The following ANKRD11 variants were observed in gnomAD, a reference collection of about 807,000 sequenced individuals.
ANKRD11 encodes ankyrin repeat domain 11.
ANKRD11 carries 17 observed loss-of-function variants against 195.7 expected under a neutral mutation model. That is an observed-to-expected ratio of 0.09 (90% CI 0.06 to 0.13). The LOEUF (loss-of-function observed/expected upper bound fraction) is 0.13, where lower values mean the gene tolerates loss of function less well. ANKRD11 is among the 10% of genes least tolerant of loss of function. ANKRD11 has a pLI of 1.00. For synonymous variants in ANKRD11, 1,953 were observed against 1,528.1 expected, an observed-to-expected ratio of 1.28 and a Z score of -6.49; for missense variants, 3,735 against 3,566.1, an observed-to-expected ratio of 1.05 and a Z score of -1.21.
At chr16:89,475,500 G>A (rs184591265) in intron 1 of ANKRD11, among the ~76,000 whole-genome samples, 3 of 152,168 alleles carry the variant, frequency 2.0e-5, no homozygotes, top group South Asian at 2.1e-4. Context: ...ATTGCAGTCA[G>A]GAAAAGAATT....
Position 89,322,483 on chromosome 16 carries a change from C to T in ANKRD11, c.-59-5405G>A, listed in dbSNP as rs370094932. Among the ~76,000 whole-genome samples, 6 of 152,360 alleles carry T rather than the reference C, an allele frequency of 3.9e-5. No individual in the cohort carries two copies. In the East Asian group the frequency reaches 5.8e-4, roughly 15 times the overall value. ...GGATGTGATTCAGCCCCTCCCCTCA[C>T]GCAGGCACGTGGCCTCAGAGGCCCA... On this transcript the variant is annotated intron_variant, in intron 2 of 12. Coordinates refer to ENST00000301030, the MANE Select transcript of ANKRD11 (RefSeq NM_013275.6).
Position 89,282,454 on chromosome 16 carries a change from C to A in ANKRD11, c.4088G>T (p.Arg1363Leu). The change falls in exon 9 of 13, where the codon CGA becomes CTA. Residue 1363 changes from arginine (R) to leucine (L), a missense_variant. Physicochemically the swap from Arg to Leu is moderately radical, Grantham distance 102 (BLOSUM62 -2). Coordinates refer to ENST00000301030, the MANE Select transcript of ANKRD11 (RefSeq NM_013275.6). The stretch of plus-strand genomic sequence containing the variant: ...GGCCTTCTCTTTCTTGGCTCGCTCT[C>A]GGTCGTGGCTCTTCTTGGATGAAGA... ...SSSSSKKSHD[R>L]ERAKKEKAEK... 6.2e-7 allele frequency: 1 copy of A among 1,614,138 alleles called. No homozygotes were observed. The highest frequency in any genetic ancestry group is 8.5e-7 in the Non-Finnish European group (1 of 1,180,048).
intron 2 of ANKRD11, among the ~76,000 whole-genome samples, chr16:89,364,554 C>G (rs755250994): frequency 4.9e-4 from 75 of 152,102 alleles, no homozygotes; most frequent in Middle Eastern, 3.2e-3. Flanking sequence ...GCAGTCAGAC[C>G]CTAAAGCAGA....
chr16:89,417,231 C>G (rs577735907), intron 2 of ANKRD11, among the ~76,000 whole-genome samples: 1 of 152,342 alleles, frequency 6.6e-6, no homozygotes, highest in African/African-American at 2.4e-5. Context: ...AACTATGAAG[C>G]TCCCGAAAGA....
At chr16:89,456,948 T>C (rs1405436379) in intron 1 of ANKRD11, among the ~76,000 whole-genome samples, 4 of 127,336 alleles carry the variant, frequency 3.1e-5, no homozygotes. Flanking sequence ...GGGTGTTCGT[T>C]ATGTGAGTCT....
chr16:89,291,838 T>A lies in ANKRD11; in HGVS notation c.227-655A>T. ...GTGTGAGAGCTCGGCTGTTTCCACC[T>A]CAGCCTCCTCGTAACAAGCACACCC... On this transcript the variant is annotated intron_variant, in intron 4 of 12. Coordinates refer to ENST00000301030, the MANE Select transcript of ANKRD11 (RefSeq NM_013275.6). This position sits in a 1 kb window ranked among gnomAD's most constrained non-coding sequence, Gnocchi z 5.3. 8.5e-7 allele frequency: 1 copy of A among 1,178,232 alleles called. No homozygotes were observed. The highest frequency in any genetic ancestry group is 1.1e-6 in the Non-Finnish European group (1 of 888,176). 73.0% of individuals were successfully genotyped at this position (1,178,232 alleles called of 1,614,324 possible).
intron 2 of ANKRD11, among the ~76,000 whole-genome samples, chr16:89,365,955 G>A (rs1016295893): frequency 2.0e-5 from 3 of 151,836 alleles, no homozygotes; most frequent in East Asian, 1.9e-4. Context: ...GTGACAACAC[G>A]CAGTATTTGG....
At chr16:89,478,382 C>T (rs576144077) in intron 1 of ANKRD11, among the ~76,000 whole-genome samples, 2 of 152,202 alleles carry the variant, frequency 1.3e-5, no homozygotes, top group South Asian at 4.1e-4. Context: ...TCCTCTTCTA[C>T]ACAACTCATA....
rs1418548595 is a variant in ANKRD11, at chr16:89,429,306, ACT to A, written c.-144-10940_-144-10939del. Among the ~76,000 whole-genome samples, 4 of 63,572 alleles carry A rather than the reference ACT, an allele frequency of 6.3e-5. 1 individual carries two copies. Among genetic ancestry groups the A allele is most frequent in the Non-Finnish European group, 1.3e-4 (4 of 29,758 alleles). 41.7% of individuals were successfully genotyped at this position (63,572 alleles called of 152,430 possible). On this transcript the variant is annotated intron_variant, in intron 1 of 12. Coordinates refer to ENST00000301030, the MANE Select transcript of ANKRD11 (RefSeq NM_013275.6). ...TTCTAGTACACAGCAGGTACTCTCA[ACT>A]CTCGCGCTCAGACGTTCTAGTACAC...
At chr16:89,364,998 C>T (rs1329942072) in intron 2 of ANKRD11, among the ~76,000 whole-genome samples, 3 of 152,188 alleles carry the variant, frequency 2.0e-5, no homozygotes, top group Non-Finnish European at 2.9e-5. Context: ...CATTCTAAGA[C>T]GCTTCCCAAG....
chr16:89,322,159 C>G (rs1304964785), intron 2 of ANKRD11, among the ~76,000 whole-genome samples: 1 of 152,112 alleles, frequency 6.6e-6, no homozygotes, highest in Non-Finnish European at 1.5e-5. Flanking sequence ...GAGGCTGGCG[C>G]CCCCAACCCC....
chr16:89,407,741 T>C (rs777096078), intron 2 of ANKRD11, among the ~76,000 whole-genome samples: 2 of 151,472 alleles, frequency 1.3e-5, no homozygotes, highest in Non-Finnish European at 2.9e-5. Flanking sequence ...TCCCAGCTAC[T>C]TGAGAGGCTG....
chr16:89,350,220 C>T (rs2039145409), intron 2 of ANKRD11, among the ~76,000 whole-genome samples: 1 of 152,186 alleles, frequency 6.6e-6, no homozygotes, highest in African/African-American at 2.4e-5. Context: ...AATTCCCATT[C>T]AACGCTGGTG....
At chr16:89,451,874 G>C (rs1268940611) in intron 1 of ANKRD11, among the ~76,000 whole-genome samples, 1 of 152,144 alleles carries the variant, frequency 6.6e-6, no homozygotes, top group Non-Finnish European at 1.5e-5. Context: ...GGTAATCTAA[G>C]ACCTAAAGTT....
intron 2 of ANKRD11, chr16:89,324,252 T>A: frequency 8.2e-7 from 1 of 1,218,316 alleles, no homozygotes; most frequent in South Asian, 1.5e-5. Flanking sequence ...GCTTGGTCAC[T>A]GGGCTGTGGA....
intron 12 of ANKRD11, among the ~76,000 whole-genome samples, chr16:89,269,396 T>C (rs573983625): frequency 6.6e-6 from 1 of 152,294 alleles, no homozygotes; most frequent in Non-Finnish European, 1.5e-5. Flanking sequence ...TCTCAACATA[T>C]ATATATGTAT....
In ANKRD11 at chr16:89,284,874, G is replaced by C; in HGVS notation, c.1668C>G (p.Ser556=). ...WRTDNWKTIS[S]PAWSEVSSLS... ...AAGAACTGACCTCTGACCAAGCCGGGGAAGAAATGGTTTTCCAATTGTCTG... is the reference window on the plus strand; with the variant it reads ...AAGAACTGACCTCTGACCAAGCCGGCGAAGAAATGGTTTTCCAATTGTCTG... The change falls in exon 9 of 13, where the codon TCC becomes TCG. Residue 556 remains serine, a synonymous_variant. Coordinates refer to ENST00000301030, the MANE Select transcript of ANKRD11 (RefSeq NM_013275.6). 6.8e-6 allele frequency: 11 copies of C among 1,614,138 alleles called. No individual in the cohort carries two copies. Among genetic ancestry groups the C allele is most frequent in the Non-Finnish European group, 9.3e-6 (11 of 1,180,042 alleles).
intron 1 of ANKRD11, among the ~76,000 whole-genome samples, chr16:89,468,721 A>C (rs2056966608): frequency 6.6e-6 from 1 of 151,880 alleles, no homozygotes; most frequent in African/African-American, 2.4e-5. Flanking sequence ...AAAAAGAAGG[A>C]CGAAGCAAAA....
intron 2 of ANKRD11, among the ~76,000 whole-genome samples, chr16:89,322,473 C>T (rs1439266539): frequency 6.6e-6 from 1 of 152,232 alleles, no homozygotes; most frequent in African/African-American, 2.4e-5. Flanking sequence ...TGATTCAGCC[C>T]CTCCCCTCAC....
Sources: allele counts gnomAD v4.1 joint callset (sites outside exome capture counted in the v4.1 genomes callset), GRCh38; gene constraint gnomAD v4.1.1; non-coding constraint Gnocchi (gnomAD v3.1); transcripts MANE v1.5; gene names NCBI Gene and HGNC (gene_info 2026-07-23, HGNC 2026-07-21).